Variants in NIPBL observed in about 807,000 individuals in gnomAD.
NIPBL encodes nipped-B-like protein.
NIPBL carries 19 observed loss-of-function variants against 321.8 expected under a neutral mutation model. That is an observed-to-expected ratio of 0.06 (90% CI 0.04 to 0.09). The LOEUF (loss-of-function observed/expected upper bound fraction) is 0.09, where lower values mean the gene tolerates loss of function less well. Ranked by LOEUF, NIPBL falls within the 10% of genes least tolerant of loss-of-function variation. The probability of loss-of-function intolerance (pLI) is 1.00; values close to 1 mark genes in which losing one functional copy is unlikely to be tolerated. For synonymous variants in NIPBL, 1,106 were observed against 1,114.1 expected (o/e 0.99, Z 0.14); for missense variants, 2,210 against 3,327.0 (o/e 0.66, Z 8.26).
chr5:36,927,775 A>G (rs1749477148), intron 1 of NIPBL, among the ~76,000 whole-genome samples: 1 of 152,186 alleles, frequency 6.6e-6, no homozygotes, highest in Non-Finnish European at 1.5e-5. Flanking sequence ...ACCAGTCTGG[A>G]GTTCAGGAGA....
intron 1 of NIPBL, among the ~76,000 whole-genome samples, chr5:36,883,374 A>G (rs1745647041): frequency 6.6e-6 from 1 of 151,874 alleles, no homozygotes. Flanking sequence ...AATTATATAT[A>G]TACTTTTGCC....
chr5:37,008,778 C>A, intron 20 of NIPBL, 55 bp downstream of exon 20: 2 of 883,704 alleles, frequency 2.3e-6, no homozygotes, highest in South Asian at 1.4e-5. Context: ...TATATTGAAC[C>A]GTCATACATT....
chr5:36,901,797 C>G (rs1004387789), intron 1 of NIPBL, among the ~76,000 whole-genome samples: 2 of 152,192 alleles, frequency 1.3e-5, no homozygotes, highest in African/African-American at 4.8e-5. Context: ...GGGTGAGCCA[C>G]TGCACCCAGC....
intron 45 of NIPBL, among the ~76,000 whole-genome samples, chr5:37,061,825 G>T (rs986595064): frequency 6.6e-6 from 1 of 151,862 alleles, no homozygotes; most frequent in Non-Finnish European, 1.5e-5. Context: ...TTTTTAAGTT[G>T]TATTTTTTAT....
intron 4 of NIPBL, among the ~76,000 whole-genome samples, chr5:36,958,818 C>T (rs967541159): frequency 2.0e-5 from 3 of 152,120 alleles, no homozygotes; most frequent in Non-Finnish European, 4.4e-5. Flanking sequence ...ATTTGACAAG[C>T]CCAAGTGCCT....
At chr5:37,014,298 A>G (rs1437184071) in intron 21 of NIPBL, among the ~76,000 whole-genome samples, 1 of 151,860 alleles carries the variant, frequency 6.6e-6, no homozygotes, top group Non-Finnish European at 1.5e-5. Flanking sequence ...GAAGGCTTTG[A>G]ATTTTTTTTT....
At chr5:36,941,317 A>G (rs907572708) in intron 1 of NIPBL, among the ~76,000 whole-genome samples, 24 of 152,070 alleles carry the variant, frequency 1.6e-4, no homozygotes, top group African/African-American at 5.8e-4. Flanking sequence ...CGATCTTTCT[A>G]TATCCCTCTT....
chr5:37,057,446 T>C lies in NIPBL; in HGVS notation c.7410+114T>C, dbSNP rs540332963. Reference sequence around the variant, plus strand: ...CCTCTTCACGAGTATATAAAATCTTTCTAAGTGAACTTAATGAAATCTGGG... The same window carrying C: ...CCTCTTCACGAGTATATAAAATCTTCCTAAGTGAACTTAATGAAATCTGGG... On this transcript the variant is annotated intron_variant, in intron 43 of 46. Coordinates refer to ENST00000282516, the MANE Select transcript of NIPBL (RefSeq NM_133433.4). 100 of 1,083,888 alleles carry C rather than the reference T, an allele frequency of 9.2e-5. 2 individuals carry two copies. In the South Asian group the frequency reaches 1.3e-3, roughly 15 times the overall value. 67.1% of individuals were successfully genotyped at this position (1,083,888 alleles called of 1,614,324 possible).
chr5:36,925,618 A>G (rs975504038), intron 1 of NIPBL, among the ~76,000 whole-genome samples: 1 of 152,130 alleles, frequency 6.6e-6, no homozygotes, highest in African/African-American at 2.4e-5. Context: ...TCCTCACTTT[A>G]TATTTGAGGA....
At chr5:36,957,983 C>CAAA (rs141750225) in intron 3 of NIPBL, 121 bp from the exon 4 acceptor site, 60 of 753,042 alleles carry the variant, frequency 8.0e-5, no homozygotes, top group Non-Finnish European at 1.1e-4. Context: ...GACTTCGTCT[C>CAAA]AAAAAAAAAA....
Position 36,958,082 on chromosome 5 carries a change from A to T in NIPBL, c.231-22A>T, listed in dbSNP as rs537130416. The stretch of plus-strand genomic sequence containing the variant: ...GAATCAGTCACCATTTTAATTTTTG[A>T]TACTTATTTTCTCAATGCCAGAGAG... On this transcript the variant is annotated intron_variant, in intron 3 of 46. Coordinates refer to ENST00000282516, the MANE Select transcript of NIPBL (RefSeq NM_133433.4). 4 of 1,611,488 alleles carry T rather than the reference A, an allele frequency of 2.5e-6. No homozygotes were observed. In the South Asian group the frequency reaches 3.3e-5, roughly 13 times the overall value.
At position 36,942,432 on chromosome 5, in the gene NIPBL, TAAAAA is replaced by T. The variant is rs33935189; in HGVS notation, c.-79-11165_-79-11161del. Among the ~76,000 whole-genome samples the T allele has an allele frequency of 1.7e-4, 10 of 59,792 alleles. No homozygotes were observed. In the East Asian group the frequency reaches 3.2e-3, roughly 19 times the overall value. 39.2% of individuals were successfully genotyped at this position (59,792 alleles called of 152,430 possible). A position where few individuals can be genotyped will look rare whatever the true frequency, so the allele number is the denominator to read the frequency against. On this transcript the variant is annotated intron_variant, in intron 1 of 46. Transcript: ENST00000282516. ...GGGTGACAGAGTGAGACTCTGTCTT[TAAAAA>T]AAAAAAAAAAAAAAAAAAAAGGCCA...
chr5:36,995,856 A>C, intron 11 of NIPBL, 52 bp downstream of exon 11: 1 of 1,513,622 alleles, frequency 6.6e-7, no homozygotes, highest in Non-Finnish European at 9.1e-7. Flanking sequence ...AAGCAGGTTG[A>C]TGTGTTTTTC....
At chr5:37,021,790 G>C (rs1749676384) in intron 27 of NIPBL, among the ~76,000 whole-genome samples, 1 of 152,200 alleles carries the variant, frequency 6.6e-6, no homozygotes, top group Non-Finnish European at 1.5e-5. Context: ...TGGGGCTACA[G>C]GTTCTGCAAA....
intron 1 of NIPBL, among the ~76,000 whole-genome samples, chr5:36,891,716 A>G (rs536905199): frequency 1.1e-4 from 17 of 152,326 alleles, no homozygotes; most frequent in African/African-American, 3.1e-4. Context: ...CCAGGAAGTT[A>G]TTTAGTAATG....
chr5:37,030,712 C>A (rs1401383175), intron 32 of NIPBL, among the ~76,000 whole-genome samples: 1 of 151,432 alleles, frequency 6.6e-6, no homozygotes, highest in African/African-American at 2.4e-5. Context: ...TTCAAATTCC[C>A]ACATGTACTA....
intron 32 of NIPBL, among the ~76,000 whole-genome samples, chr5:37,031,803 A>C (rs1357463370): frequency 6.6e-6 from 1 of 152,250 alleles, no homozygotes; most frequent in Non-Finnish European, 1.5e-5. Context: ...ACAGCAACAT[A>C]GATAAATAAT....
intron 6 of NIPBL, among the ~76,000 whole-genome samples, chr5:36,964,619 C>G (rs895133343): frequency 1.4e-4 from 21 of 151,960 alleles, no homozygotes; most frequent in Non-Finnish European, 3.1e-4. Flanking sequence ...TTGGTCTGTG[C>G]AAAATACTTT....
At chr5:37,014,822 A>C (rs547237433) in intron 22 of NIPBL, 57 bp downstream of exon 22, 1 of 1,024,886 alleles carries the variant, frequency 9.8e-7, no homozygotes, top group East Asian at 2.4e-5. Context: ...AGAATAGTTC[A>C]TTTTTTTAAA....
Sources: allele counts gnomAD v4.1 joint callset (sites outside exome capture counted in the v4.1 genomes callset), GRCh38; gene constraint gnomAD v4.1.1; transcripts MANE v1.5; gene names NCBI Gene and HGNC (gene_info 2026-07-23, HGNC 2026-07-21).